SEC31A: variants seen among roughly 807,000 people sequenced by gnomAD.
SEC31A encodes protein transport protein Sec31A.
A neutral mutation model predicts 151.0 loss-of-function variants in SEC31A; 70 were observed. The observed-to-expected ratio is 0.46, with a 90% CI of 0.38 to 0.57. The LOEUF (loss-of-function observed/expected upper bound fraction) is 0.57. Among genes scored for constraint, SEC31A ranks in the 20% least tolerant of loss-of-function variants. SEC31A has a pLI of 0.00. For missense variants in SEC31A, 1,330 were observed against 1,471.2 expected (o/e 0.90, Z 1.57); for synonymous variants, 475 against 505.9 (o/e 0.94, Z 0.82).
chr4:82,882,196 G>A (rs540355897), intron 1 of SEC31A, among the ~76,000 whole-genome samples: 26 of 152,210 alleles, frequency 1.7e-4, no homozygotes, highest in African/African-American at 6.0e-4. Context: ...GAGGTCAGGA[G>A]ATTGAGACCA....
intron 23 of SEC31A, 128 bp downstream of exon 23, chr4:82,828,872 A>G (rs1483253141): frequency 6.2e-6 from 4 of 641,294 alleles, no homozygotes; most frequent in Non-Finnish European, 1.1e-5. Flanking sequence ...GCATGTTGAA[A>G]TACACTTTAA....
chr4:82,889,546 CA>C (rs11463983), intron 1 of SEC31A, among the ~76,000 whole-genome samples: 2,930 of 129,898 alleles, frequency 0.023, 108 homozygotes, highest in African/African-American at 0.079. Context: ...GACCCTGTCT[CA>C]AAAAAAAAAA....
chr4:82,890,845 G>C, intron 1 of SEC31A: 1 of 1,329,938 alleles, frequency 7.5e-7, no homozygotes, highest in South Asian at 1.9e-5. Flanking sequence ...GCCAGCCTCG[G>C]GTGGCTTTTG....
chr4:82,829,333 T>G (rs1321313832), intron 22 of SEC31A: 1 of 322,668 alleles, frequency 3.1e-6, no homozygotes, highest in Non-Finnish European at 5.7e-6. Context: ...GTGAAGTTTT[T>G]ATTTATACTG....
Position 82,864,537 on chromosome 4 carries a change from T to G in SEC31A, c.1259A>C (p.Gln420Pro), listed in dbSNP as rs1734869999. 1 of 1,614,072 alleles carries G rather than the reference T, an allele frequency of 6.2e-7. No individual in the cohort carries two copies. The highest frequency in any genetic ancestry group is 1.3e-5 in the African/African-American group (1 of 74,930). ...VRMPSHQGAE[Q>P]QQQQHHVFIS... ...GAACACATGGTGCTGCTGCTGCTGC[T>G]GCTCAGCTCCCTGATGAGAAGGCAT... Residue 420 changes from glutamine to proline, a missense_variant, in exon 11 of 27, where the codon CAG becomes CCG. Gln to Pro is a moderately conservative substitution (Grantham distance 76). Coordinates refer to ENST00000395310, the MANE Select transcript of SEC31A (RefSeq NM_001077207.4).
intron 7 of SEC31A, chr4:82,871,649 G>A (rs1736698905): frequency 1.9e-6 from 1 of 534,248 alleles, no homozygotes. Flanking sequence ...GGTGGCGCAT[G>A]CATGTAATCC....
intron 3 of SEC31A, among the ~76,000 whole-genome samples, chr4:82,880,272 C>T (rs1184002890): frequency 6.6e-6 from 1 of 152,024 alleles, no homozygotes; most frequent in Non-Finnish European, 1.5e-5. Flanking sequence ...TCCTACCTTA[C>T]ATGTAACAGC....
chr4:82,841,770 G>A (rs1044372811), intron 22 of SEC31A, among the ~76,000 whole-genome samples: 3 of 151,468 alleles, frequency 2.0e-5, no homozygotes, highest in Non-Finnish European at 2.9e-5. Flanking sequence ...TCAGGAGTTC[G>A]AGACCAGCCT....
At chr4:82,837,527 G>GCA (rs1268429326) in intron 22 of SEC31A, among the ~76,000 whole-genome samples, 1 of 152,018 alleles carries the variant, frequency 6.6e-6, no homozygotes, top group Non-Finnish European at 1.5e-5. Context: ...GGGAATATAG[G>GCA]CATGTGCTTC....
upstream of SEC31A, among the ~76,000 whole-genome samples, chr4:82,892,739 G>A (rs9884556): frequency 0.99 from 150,317 of 152,130 alleles, 74,264 homozygotes; most frequent in East Asian, 1. Flanking sequence ...TTTTTTTTGG[G>A]GGGGGGGGCA....
intron 21 of SEC31A, chr4:82,844,184 G>A (rs1035226163): frequency 1.9e-6 from 1 of 513,536 alleles, no homozygotes; most frequent in Non-Finnish European, 3.4e-6. Context: ...ACTCTGAACA[G>A]TGTGACAAAG....
intron 8 of SEC31A, among the ~76,000 whole-genome samples, chr4:82,867,707 A>C (rs927470938): frequency 2.0e-5 from 3 of 151,952 alleles, no homozygotes; most frequent in African/African-American, 7.3e-5. Flanking sequence ...GCCTCAGCTC[A>C]CTGCAACCTC....
chr4:82,868,592 A>G (rs1476448603), intron 8 of SEC31A, among the ~76,000 whole-genome samples: 2 of 152,176 alleles, frequency 1.3e-5, no homozygotes, highest in East Asian at 3.8e-4. Flanking sequence ...TGTGAACTCA[A>G]AGTTAGTATG....
chr4:82,849,153 T>C (rs541337730), intron 19 of SEC31A, among the ~76,000 whole-genome samples, 176 bp from the exon 20 acceptor site: 9 of 152,334 alleles, frequency 5.9e-5, no homozygotes, highest in Admixed American at 5.2e-4. Context: ...TACTCAAGAC[T>C]GGCACCAAAG....
chr4:82,857,002 C>T lies in SEC31A; in HGVS notation c.1831G>A (p.Ala611Thr), dbSNP rs1348841000. ...GCGAAGTATTTTTTCTGGGTTCGAGCCAAGAGTTCTTGTCCACCTGCTATG... is the reference window on the plus strand; with the variant it reads ...GCGAAGTATTTTTTCTGGGTTCGAGTCAAGAGTTCTTGTCCACCTGCTATG... ...LAIAGGQELLARTQKKYFAKS... is the reference protein window; with the variant it reads ...LAIAGGQELLTRTQKKYFAKS... The change falls in exon 16 of 27, where the codon GCT becomes ACT. Residue 611 changes from alanine (A) to threonine (T), a missense_variant. By Grantham distance (58) the Ala-to-Thr change is moderately conservative (BLOSUM62 0). Coordinates refer to ENST00000395310, the MANE Select transcript of SEC31A (RefSeq NM_001077207.4). 1 of 1,612,796 alleles carries T rather than the reference C, an allele frequency of 6.2e-7. No homozygotes were observed. Among genetic ancestry groups the T allele is most frequent in the East Asian group, 2.2e-5 (1 of 44,858 alleles).
At chr4:82,855,479 G>C (rs1327163295) in intron 16 of SEC31A, among the ~76,000 whole-genome samples, 2 of 152,308 alleles carry the variant, frequency 1.3e-5, no homozygotes, top group African/African-American at 2.4e-5. Flanking sequence ...AGCCACTGTG[G>C]CTAAAAGATA....
At chr4:82,882,401 C>CAAAAAAAAAA (rs57974382) in intron 1 of SEC31A, among the ~76,000 whole-genome samples, 8 of 92,490 alleles carry the variant, frequency 8.6e-5, no homozygotes, top group African/African-American at 3.1e-4. Flanking sequence ...GACTCTATCT[C>CAAAAAAAAAA]AAAAAAAAAA....
intron 22 of SEC31A, among the ~76,000 whole-genome samples, chr4:82,835,776 C>T (rs1250385455): frequency 4.0e-5 from 6 of 151,722 alleles, no homozygotes; most frequent in East Asian, 3.9e-4. Flanking sequence ...GCCTGAGTGA[C>T]GGAGTGGAAC....
chr4:82,884,391 T>TA (rs1452075621), intron 1 of SEC31A, among the ~76,000 whole-genome samples: 2 of 152,124 alleles, frequency 1.3e-5, no homozygotes, highest in African/African-American at 2.4e-5. Context: ...TGATTAAAAA[T>TA]AAAAAAAGCT....
Sources: allele counts gnomAD v4.1 joint callset (sites outside exome capture counted in the v4.1 genomes callset), GRCh38; gene constraint gnomAD v4.1.1; transcripts MANE v1.5; gene names NCBI Gene and HGNC (gene_info 2026-07-23, HGNC 2026-07-21).